Variants in TMEM161B observed in about 807,000 individuals in gnomAD.
TMEM161B encodes transmembrane protein 161B.
A neutral mutation model predicts 61.8 loss-of-function variants in TMEM161B; 34 were observed. The observed-to-expected ratio is 0.55, with a 90% confidence interval of 0.42 to 0.73. TMEM161B has a LOEUF of 0.73. Ranked by LOEUF, TMEM161B falls within the 30% of genes least tolerant of loss-of-function variation. The pLI, the probability that TMEM161B is intolerant of heterozygous loss-of-function variation, is 0.00. For synonymous variants in TMEM161B, 167 were observed against 192.8 expected (o/e 0.87, Z 1.11); for missense variants, 456 against 558.5 (o/e 0.82, Z 1.85).
At chr5:88,248,553 G>A (rs75092033) in intron 1 of TMEM161B, among the ~76,000 whole-genome samples, 3 of 151,974 alleles carry the variant, frequency 2.0e-5, no homozygotes, top group South Asian at 2.1e-4. Flanking sequence ...CAATTCTTGC[G>A]GTTCCATGAG....
downstream of TMEM161B, among the ~76,000 whole-genome samples, chr5:88,188,613 G>A (rs1290615714): frequency 1.3e-5 from 2 of 152,184 alleles, no homozygotes; most frequent in Non-Finnish European, 2.9e-5. Context: ...GCAGAAGAAA[G>A]TGGAATTGTA....
rs191430506 is a variant in TMEM161B, at chr5:88,189,783, C to T, written c.*269G>A. The stretch of plus-strand genomic sequence containing the variant: ...TATTTTATAAGGGGAATATCCTGCT[C>T]TTTTAGAAGGGGTACATCTAATTTT... On this transcript the variant is annotated 3_prime_UTR_variant, in exon 13 of 13. Transcript: ENST00000514135. 600 of 380,684 alleles carry T rather than the reference C, an allele frequency of 1.6e-3. 2 individuals carry two copies. The highest frequency in any genetic ancestry group is 0.011 in the African/African-American group (556 of 49,454). The allele number at this position is 380,684 out of a possible 1,614,324, so 23.6% of individuals were successfully genotyped here. A position where few individuals can be genotyped will look rare whatever the true frequency, so the allele number is the denominator to read the frequency against.
intron 9 of TMEM161B, chr5:88,202,060 A>C (rs755237975): frequency 6.7e-6 from 3 of 445,126 alleles, no homozygotes; most frequent in African/African-American, 6.0e-5. Flanking sequence ...TGGTTGCATT[A>C]CATGTGTTCT....
chr5:88,232,088 T>C (rs1383826789), intron 2 of TMEM161B, among the ~76,000 whole-genome samples: 1 of 152,146 alleles, frequency 6.6e-6, no homozygotes, highest in Non-Finnish European at 1.5e-5. Flanking sequence ...CCTTCAGCAC[T>C]ATGCTTGGGG....
At chr5:88,248,020 T>A (rs1753847445) in intron 1 of TMEM161B, among the ~76,000 whole-genome samples, 1 of 151,872 alleles carries the variant, frequency 6.6e-6, no homozygotes, top group South Asian at 2.1e-4. Flanking sequence ...AGCAAAAAGG[T>A]GTAAAAGGGC....
chr5:88,229,624 T>C (rs1750646645), intron 2 of TMEM161B, among the ~76,000 whole-genome samples: 1 of 150,226 alleles, frequency 6.7e-6, no homozygotes, highest in African/African-American at 2.5e-5. Flanking sequence ...ATAAGGCAGC[T>C]AGGCAAAAAC....
intron 5 of TMEM161B, among the ~76,000 whole-genome samples, chr5:88,210,503 C>T (rs1746499205): frequency 6.6e-6 from 1 of 152,114 alleles, no homozygotes; most frequent in African/African-American, 2.4e-5. Flanking sequence ...TCTATGCAGC[C>T]AGGCCACTCT....
chr5:88,211,217 C>A (rs1292579023), intron 5 of TMEM161B, among the ~76,000 whole-genome samples: 1 of 151,704 alleles, frequency 6.6e-6, no homozygotes, highest in Non-Finnish European at 1.5e-5. Context: ...AGATGACAGA[C>A]ACAGCAGAAT....
At chr5:88,225,386 A>T (rs1749877973) in intron 4 of TMEM161B, among the ~76,000 whole-genome samples, 1 of 152,190 alleles carries the variant, frequency 6.6e-6, no homozygotes, top group Non-Finnish European at 1.5e-5. Flanking sequence ...ACTGCATAAA[A>T]GTAGGCACCC....
At chr5:88,253,515 C>A (rs923438811) in intron 1 of TMEM161B, among the ~76,000 whole-genome samples, 12 of 152,098 alleles carry the variant, frequency 7.9e-5, no homozygotes, top group African/African-American at 2.7e-4. Flanking sequence ...CCTACCCGTA[C>A]AAAGACAAGG....
rs926866418 is a variant in TMEM161B at position 88,254,903 on chromosome 5, T to C, written c.3+13818A>G. ...GATCATCATGGGACATTATACAGGT[T>C]ACAAGAATAGGAAAATCCAGGATGA... On this transcript the variant is annotated intron_variant, in intron 1 of 11. Transcript: ENST00000296595. Among the ~76,000 whole-genome samples, 4 of 148,756 alleles carry C rather than the reference T, an allele frequency of 2.7e-5. No individual in the cohort carries two copies. The South Asian group carries it at 8.5e-4, about 32-fold the overall frequency.
intron 1 of TMEM161B, among the ~76,000 whole-genome samples, chr5:88,253,271 TA>T (rs777998495): frequency 2.6e-5 from 4 of 152,158 alleles, no homozygotes; most frequent in Non-Finnish European, 4.4e-5. Flanking sequence ...ATGTGGATTT[TA>T]TCAAACACTT....
intron 1 of TMEM161B, among the ~76,000 whole-genome samples, chr5:88,243,561 A>T (rs770792454): frequency 2.0e-5 from 3 of 151,864 alleles, no homozygotes; most frequent in East Asian, 1.9e-4. Context: ...GAACATACAC[A>T]TGCATGTGTG....
intron 1 of TMEM161B, among the ~76,000 whole-genome samples, chr5:88,257,310 C>G (rs1005775799): frequency 1.3e-5 from 2 of 152,014 alleles, no homozygotes; most frequent in African/African-American, 4.8e-5. Context: ...AACACCTTTC[C>G]TTTTAACAAA....
At chr5:88,220,992 T>C (rs1748866596) in intron 4 of TMEM161B, among the ~76,000 whole-genome samples, 1 of 152,196 alleles carries the variant, frequency 6.6e-6, no homozygotes, top group Non-Finnish European at 1.5e-5. Context: ...AAAGTATGAT[T>C]GCAAATTTAC....
rs867286814 is a variant in TMEM161B at position 88,268,702 on chromosome 5, C to A, written c.3+19G>T. ...TTTCGCCCCACCGTTGTCACTCCTGCCCTCACAGAAGAACTCACCATGGCG... is the reference window on the plus strand; with the variant it reads ...TTTCGCCCCACCGTTGTCACTCCTGACCTCACAGAAGAACTCACCATGGCG... On this transcript the variant is annotated intron_variant, in intron 1 of 11. Coordinates refer to ENST00000296595, the MANE Select transcript of TMEM161B (RefSeq NM_153354.5). The A allele has an allele frequency of 7.4e-6, 12 of 1,614,132 alleles. No homozygotes were observed. The Middle Eastern group carries it at 1.8e-3, about 244-fold the overall frequency.
At chr5:88,190,769 T>C (rs1404575545), downstream of TMEM161B, among the ~76,000 whole-genome samples, 1 of 152,248 alleles carries the variant, frequency 6.6e-6, no homozygotes, top group Non-Finnish European at 1.5e-5. Flanking sequence ...GTTGCATTCA[T>C]TTCCACTACT....
At chr5:88,227,497 T>C (rs957148512) in intron 3 of TMEM161B, among the ~76,000 whole-genome samples, 1 of 152,144 alleles carries the variant, frequency 6.6e-6, no homozygotes, top group African/African-American at 2.4e-5. Context: ...ACTACTGGAA[T>C]AAAAAGAAGG....
rs1749551360 is a variant in TMEM161B, at chr5:88,195,938, T to A, written c.*273A>T. 1 of 1,159,140 alleles carries A rather than the reference T, an allele frequency of 8.6e-7. No homozygotes were observed. Among genetic ancestry groups the A allele is most frequent in the Non-Finnish European group, 1.1e-6 (1 of 939,666 alleles). The allele number at this position is 1,159,140 out of a possible 1,614,324, so 71.8% of individuals were successfully genotyped here. ...TTCTGTAAACCAGGGTAATCAGAAA[T>A]ATTACCCTTGTAGATAGCCCTCTCA... On this transcript the variant is annotated 3_prime_UTR_variant, in exon 12 of 12. Coordinates refer to ENST00000296595, the MANE Select transcript of TMEM161B (RefSeq NM_153354.5).
Sources: gnomAD v4.1 joint callset for allele counts (sites outside exome capture counted in the v4.1 genomes callset) on GRCh38, gnomAD v4.1.1 for gene constraint, MANE v1.5 for transcripts, NCBI Gene and HGNC (gene_info 2026-07-23, HGNC 2026-07-21) for gene names.